Variants in CDH23 observed in about 807,000 individuals in gnomAD.
CDH23 encodes cadherin-23.
In CDH23, 189 loss-of-function variants were observed where a neutral mutation model predicts 317.1. The observed-to-expected ratio is 0.60, with a 90% CI of 0.53 to 0.67. The LOEUF (loss-of-function observed/expected upper bound fraction) is 0.67, where lower values mean the gene tolerates loss of function less well. CDH23 is among the 30% of genes least tolerant of loss of function. The pLI, the probability that CDH23 is intolerant of heterozygous loss-of-function variation, is 0.00. For synonymous variants in CDH23, 1,839 were observed against 1,876.8 expected (o/e 0.98, Z 0.52); for missense variants, 4,401 against 4,592.4 (o/e 0.96, Z 1.20).
At chr10:71,775,888 T>C (rs1438250938) in intron 38 of CDH23, among the ~76,000 whole-genome samples, 1 of 152,068 alleles carries the variant, frequency 6.6e-6, no homozygotes, top group African/African-American at 2.4e-5. Context: ...CAGCTGTGAG[T>C]ACTCTCTACT....
intron 3 of CDH23, among the ~76,000 whole-genome samples, chr10:71,494,480 C>T (rs1318687144): frequency 6.6e-6 from 1 of 152,164 alleles, no homozygotes; most frequent in African/African-American, 2.4e-5. Context: ...GCTGTGTGAT[C>T]TTCGGCAAGT....
chr10:71,797,083 C>T, intron 48 of CDH23, 21 bp from the exon 49 acceptor site: 1 of 1,553,314 alleles, frequency 6.4e-7, no homozygotes, highest in Non-Finnish European at 8.9e-7. Flanking sequence ...CAGGCTGAAC[C>T]TGGCCTGGTC....
chr10:71,657,920 TAC>T (rs34295420), intron 14 of CDH23, among the ~76,000 whole-genome samples: 4 of 151,324 alleles, frequency 2.6e-5, no homozygotes, highest in Admixed American at 6.6e-5. Flanking sequence ...GAGGGACACA[TAC>T]ACACACACAC....
chr10:71,719,596 A>C (rs1866452487), intron 28 of CDH23: 1 of 153,014 alleles, frequency 6.5e-6, no homozygotes, highest in Non-Finnish European at 1.5e-5. Context: ...TCCCTCTCCA[A>C]GCCTTCTCCT....
intron 3 of CDH23, among the ~76,000 whole-genome samples, chr10:71,501,811 T>C (rs1461484452): frequency 1.3e-5 from 2 of 152,178 alleles, no homozygotes; most frequent in African/African-American, 4.8e-5. Flanking sequence ...CAGGAGCCCC[T>C]GGCCCTGGCA....
At chr10:71,451,222 C>A (rs1468865910) in intron 3 of CDH23, among the ~76,000 whole-genome samples, 2 of 152,194 alleles carry the variant, frequency 1.3e-5, no homozygotes, top group East Asian at 3.9e-4. Context: ...CCCAGTTACC[C>A]CAGCAGCTTC....
intron 11 of CDH23, among the ~76,000 whole-genome samples, chr10:71,618,770 C>A (rs75395619): frequency 1.6e-4 from 24 of 152,068 alleles, no homozygotes; most frequent in African/African-American, 3.9e-4. Flanking sequence ...CATGGTCCCC[C>A]CAAGGACTCA....
At chr10:71,696,415 A>G (rs990074207) in intron 22 of CDH23, among the ~76,000 whole-genome samples, 6 of 152,226 alleles carry the variant, frequency 3.9e-5, no homozygotes, top group African/African-American at 1.4e-4. Context: ...CACAAGGCAG[A>G]GGGATTCCGT....
chr10:71,741,922 G>A lies in CDH23; in HGVS notation c.4845+1G>A. On this transcript the variant is annotated splice_donor_variant, in intron 38 of 69. Transcript: ENST00000224721. LOFTEE classifies it high-confidence loss of function. ...GGACGAGGGCACCCCAACCCTGTCG[G>A]TGAGCGATGGGGGTGGCCACAGGGA... 1 of 1,584,772 alleles carries A rather than the reference G, an allele frequency of 6.3e-7. No homozygotes were observed. The highest frequency in any genetic ancestry group is 8.6e-7 in the Non-Finnish European group (1 of 1,164,698).
At chr10:71,425,271 A>C in intron 1 of CDH23, among the ~76,000 whole-genome samples, 1 of 106,234 alleles carries the variant, frequency 9.4e-6, no homozygotes, top group South Asian at 3.2e-4. Context: ...GAGAGAGAGG[A>C]AGGAAGGAAG....
intron 60 of CDH23, among the ~76,000 whole-genome samples, 168 bp downstream of exon 60, chr10:71,808,175 G>A: frequency 6.6e-6 from 1 of 152,186 alleles, no homozygotes; most frequent in East Asian, 1.9e-4. Flanking sequence ...CCGTTCTCCA[G>A]TGTATCCACC....
At chr10:71,531,370 A>T (rs1461113768) in intron 6 of CDH23, among the ~76,000 whole-genome samples, 1 of 152,224 alleles carries the variant, frequency 6.6e-6, no homozygotes. Flanking sequence ...TAAGCCCAGC[A>T]TCACCTCTTC....
At chr10:71,514,904 G>A (rs372558220) in intron 6 of CDH23, among the ~76,000 whole-genome samples, 8 of 152,180 alleles carry the variant, frequency 5.3e-5, no homozygotes, top group African/African-American at 9.7e-5. Context: ...CTTTTATGGC[G>A]TTCCAATTTG....
At chr10:71,666,758 C>A (rs1863916268) in intron 14 of CDH23, among the ~76,000 whole-genome samples, 1 of 152,164 alleles carries the variant, frequency 6.6e-6, no homozygotes, top group Non-Finnish European at 1.5e-5. Context: ...GTCACCCTGG[C>A]CTCTGGGCTA....
intron 3 of CDH23, among the ~76,000 whole-genome samples, chr10:71,471,208 C>A (rs1402171406): frequency 1.3e-5 from 2 of 152,258 alleles, no homozygotes; most frequent in African/African-American, 4.8e-5. Flanking sequence ...GCACTGCCAT[C>A]TGCGCGCAGC....
At chr10:71,627,697 T>C (rs1861810104) in intron 11 of CDH23, among the ~76,000 whole-genome samples, 2 of 152,158 alleles carry the variant, frequency 1.3e-5, no homozygotes, top group South Asian at 4.1e-4. Flanking sequence ...ATCTTTCATG[T>C]TGGATTTGGG....
chr10:71,659,043 A>T lies in CDH23; in HGVS notation c.1449+12426A>T, dbSNP rs754613882. On this transcript the variant is annotated intron_variant, in intron 14 of 69. Transcript: ENST00000224721. ...ACAACACCTGAGTGTTCCTGTAGAC[A>T]GTCACCTCCAGCACAGAGAGCCCGT... Among the ~76,000 whole-genome samples, 19 of 152,354 alleles carry T rather than the reference A, an allele frequency of 1.2e-4. 1 individual carries two copies. Among genetic ancestry groups the T allele is most frequent in the African/African-American group, 4.1e-4 (17 of 41,588 alleles).
At chr10:71,662,776 G>A (rs536591914) in intron 14 of CDH23, among the ~76,000 whole-genome samples, 2 of 152,198 alleles carry the variant, frequency 1.3e-5, no homozygotes, top group East Asian at 1.9e-4. Flanking sequence ...CCTGGGTATC[G>A]CCTGTATCCG....
At chr10:71,631,975 G>A (rs568281563) in intron 11 of CDH23, among the ~76,000 whole-genome samples, 2 of 152,336 alleles carry the variant, frequency 1.3e-5, no homozygotes, top group South Asian at 2.1e-4. Context: ...AGGTGGCTGG[G>A]GGTGGGAGAG....
Sources: gnomAD v4.1 joint callset for allele counts (sites outside exome capture counted in the v4.1 genomes callset) on GRCh38, gnomAD v4.1.1 for gene constraint, MANE v1.5 for transcripts, NCBI Gene and HGNC (gene_info 2026-07-23, HGNC 2026-07-21) for gene names.